Variants in KCNQ5 observed in about 807,000 individuals in gnomAD.
KCNQ5 encodes the protein potassium voltage-gated channel subfamily KQT member 5.
In KCNQ5, 30 loss-of-function variants were observed where a neutral mutation model predicts 98.2. That is an observed-to-expected ratio of 0.31 (90% CI 0.23 to 0.41). KCNQ5 has a LOEUF of 0.41. Among genes scored for constraint, KCNQ5 ranks in the 10% least tolerant of loss-of-function variants. The pLI, the probability that KCNQ5 is intolerant of heterozygous loss-of-function variation, is 1.00. For missense variants in KCNQ5, 835 were observed against 1,182.5 expected (o/e 0.71, Z 4.31); for synonymous variants, 458 against 449.4 (o/e 1.02, Z -0.24).
At chr6:72,764,652 A>T (rs1212467444) in intron 1 of KCNQ5, among the ~76,000 whole-genome samples, 2 of 151,930 alleles carry the variant, frequency 1.3e-5, no homozygotes, top group Admixed American at 6.6e-5. Flanking sequence ...TAAAATGTAC[A>T]GTTGTTATTA....
intron 3 of KCNQ5, among the ~76,000 whole-genome samples, chr6:73,046,634 T>TTTTATTTTATTTTAC (rs1771975043): frequency 6.8e-6 from 1 of 147,790 alleles, no homozygotes; most frequent in Admixed American, 6.8e-5. Flanking sequence ...TTTTATTTTA[T>TTTTATTTTATTTTAC]TTTATTTTAT....
chr6:72,907,996 A>T (rs2150202031), intron 1 of KCNQ5, among the ~76,000 whole-genome samples: 1 of 152,248 alleles, frequency 6.6e-6, no homozygotes, highest in Admixed American at 6.5e-5. Flanking sequence ...TTTCTTAAGA[A>T]ATTAGCACAT....
At chr6:73,187,082 C>T (rs1232058441) in intron 11 of KCNQ5, among the ~76,000 whole-genome samples, 13 of 143,366 alleles carry the variant, frequency 9.1e-5, no homozygotes, top group Non-Finnish European at 1.1e-4. Context: ...TTTTTTGAGA[C>T]GGAGTCTTGC....
chr6:72,682,816 G>A (rs974176888), intron 1 of KCNQ5, among the ~76,000 whole-genome samples: 5 of 152,176 alleles, frequency 3.3e-5, no homozygotes, highest in African/African-American at 9.7e-5. Context: ...CCAGGGTGGC[G>A]AGGATGAAAG....
chr6:72,840,793 C>T (rs556411317), intron 1 of KCNQ5, among the ~76,000 whole-genome samples: 7 of 152,264 alleles, frequency 4.6e-5, no homozygotes, highest in Non-Finnish European at 8.8e-5. Context: ...TTATGATCCA[C>T]GGACTAGGCA....
At chr6:72,737,585 G>A (rs1346295632) in intron 1 of KCNQ5, among the ~76,000 whole-genome samples, 1 of 152,062 alleles carries the variant, frequency 6.6e-6, no homozygotes, top group African/African-American at 2.4e-5. Context: ...GCGAATTTTG[G>A]CTCATTAGTA....
chr6:73,122,834 C>T (rs55704237), intron 8 of KCNQ5, among the ~76,000 whole-genome samples: 10,675 of 152,208 alleles, frequency 0.07, 1,167 homozygotes, highest in African/African-American at 0.24. Context: ...AAGCCAAGTT[C>T]AAACTTTTGT....
chr6:72,840,169 C>T (rs1245982478), intron 1 of KCNQ5, among the ~76,000 whole-genome samples: 1 of 152,074 alleles, frequency 6.6e-6, no homozygotes, highest in Non-Finnish European at 1.5e-5. Flanking sequence ...CTGCTGGATA[C>T]TTAGGTTGTT....
intron 1 of KCNQ5, among the ~76,000 whole-genome samples, chr6:72,722,329 C>T (rs1770012294): frequency 6.6e-6 from 1 of 152,206 alleles, no homozygotes; most frequent in African/African-American, 2.4e-5. Flanking sequence ...TAAAAGCCGT[C>T]CTTGGCCCTT....
intron 3 of KCNQ5, chr6:73,055,466 G>C (rs1257596346): frequency 6.4e-7 from 1 of 1,551,616 alleles, no homozygotes; most frequent in East Asian, 2.2e-5. Context: ...ACCTCCGATG[G>C]AGCCCTACCA....
At chr6:72,912,835 T>C (rs1340178336) in intron 1 of KCNQ5, among the ~76,000 whole-genome samples, 2 of 152,196 alleles carry the variant, frequency 1.3e-5, no homozygotes, top group African/African-American at 4.8e-5. Flanking sequence ...ACAATGGTGT[T>C]ATTTGAATTC....
intron 1 of KCNQ5, among the ~76,000 whole-genome samples, chr6:72,941,392 C>CTT (rs111577309): frequency 1.1e-5 from 1 of 88,326 alleles, no homozygotes; most frequent in Non-Finnish European, 3.0e-5. Context: ...TCCTTCCTTC[C>CTT]TCCTTTCCTC....
chr6:73,080,063 T>C (rs1483987754), intron 5 of KCNQ5, among the ~76,000 whole-genome samples: 2 of 152,204 alleles, frequency 1.3e-5, no homozygotes, highest in Non-Finnish European at 2.9e-5. Flanking sequence ...CCATTTCTCC[T>C]TATTACAAAA....
chr6:72,812,218 TC>T (rs1352090651), intron 1 of KCNQ5, among the ~76,000 whole-genome samples: 5 of 152,152 alleles, frequency 3.3e-5, no homozygotes, highest in African/African-American at 1.2e-4. Flanking sequence ...ATGACCTGTA[TC>T]TTATGATACT....
rs539549873 is a variant in KCNQ5 at position 72,754,850 on chromosome 6, T to G, written c.398+132263T>G. Among the ~76,000 whole-genome samples, 8 of 152,256 alleles carry G rather than the reference T, an allele frequency of 5.3e-5. No individual in the cohort carries two copies. The South Asian group carries it at 1.7e-3, about 32-fold the overall frequency. ...AGTGTTGTTCAAATTTTGTATATCT[T>G]TACTGAATTTTATACCTACTTATTC... On this transcript the variant is annotated intron_variant, in intron 1 of 13. Coordinates refer to ENST00000370398, the MANE Select transcript of KCNQ5 (RefSeq NM_019842.4).
At chr6:73,100,519 A>AT (rs1355080580) in intron 5 of KCNQ5, among the ~76,000 whole-genome samples, 1 of 150,974 alleles carries the variant, frequency 6.6e-6, no homozygotes, top group Non-Finnish European at 1.5e-5. Flanking sequence ...TACAAAAAAA[A>AT]ATAGCTGGGC....
intron 3 of KCNQ5, among the ~76,000 whole-genome samples, chr6:73,060,778 AC>A (rs1409688003): frequency 6.6e-6 from 1 of 152,128 alleles, no homozygotes; most frequent in East Asian, 1.9e-4. Flanking sequence ...TCTTAAACAT[AC>A]CCAGTCTCAC....
At chr6:73,118,494 A>G (rs562432679) in intron 7 of KCNQ5, among the ~76,000 whole-genome samples, 22 of 151,848 alleles carry the variant, frequency 1.4e-4, no homozygotes, top group Non-Finnish European at 2.9e-4. Flanking sequence ...ATATAAGCAT[A>G]TATTTTGAAA....
chr6:72,662,284 A>G (rs1350080271), intron 1 of KCNQ5, among the ~76,000 whole-genome samples: 1 of 152,210 alleles, frequency 6.6e-6, no homozygotes, highest in Non-Finnish European at 1.5e-5. Flanking sequence ...AGTACTAGCC[A>G]TGAAAAATAG....
Sources: gnomAD v4.1 joint callset for allele counts (sites outside exome capture counted in the v4.1 genomes callset) on GRCh38, gnomAD v4.1.1 for gene constraint, MANE v1.5 for transcripts, NCBI Gene and HGNC (gene_info 2026-07-23, HGNC 2026-07-21) for gene names.